PHF24: variants seen among roughly 807,000 people sequenced by gnomAD.
PHF24 encodes Galpha inhibitory interacting protein.
A neutral mutation model predicts 42.6 loss-of-function variants in PHF24; 25 were observed. The observed-to-expected ratio is 0.59, with a 90% CI of 0.43 to 0.82. The LOEUF (loss-of-function observed/expected upper bound fraction) is 0.82, where lower values mean the gene tolerates loss of function less well. Ranked by LOEUF, PHF24 falls within the 40% of genes least tolerant of loss-of-function variation. The probability of loss-of-function intolerance (pLI) is 0.00; values close to 1 mark genes in which losing one functional copy is unlikely to be tolerated. For missense variants in PHF24, 470 were observed against 538.1 expected, an observed-to-expected ratio of 0.87 and a Z score of 1.25; for synonymous variants, 185 against 204.8, an observed-to-expected ratio of 0.90 and a Z score of 0.83.
chr9:34,673,217 G>C, the PHF24 span, among the ~76,000 whole-genome samples: 1 of 152,064 alleles, frequency 6.6e-6, no homozygotes, highest in African/African-American at 2.4e-5. Flanking sequence ...TTAGCCAGTC[G>C]TGGTGGCATG....
the PHF24 span, among the ~76,000 whole-genome samples, chr9:34,903,624 G>C: frequency 6.6e-6 from 1 of 152,202 alleles, no homozygotes; most frequent in African/African-American, 2.4e-5. Context: ...AAAGAGCAAG[G>C]CTGGATCCAA....
the PHF24 span, among the ~76,000 whole-genome samples, chr9:34,836,712 A>T: frequency 6.6e-6 from 1 of 152,212 alleles, no homozygotes; most frequent in South Asian, 2.1e-4. Context: ...CCATGTAAGG[A>T]TGTAGCTGTA....
At chr9:34,682,121 C>T in the PHF24 span, among the ~76,000 whole-genome samples, 1 of 151,668 alleles carries the variant, frequency 6.6e-6, no homozygotes, top group African/African-American at 2.4e-5. Flanking sequence ...ACTACAGGCA[C>T]CTGCCACCAC....
the PHF24 span, among the ~76,000 whole-genome samples, chr9:34,861,691 A>G: frequency 2.0e-5 from 3 of 152,246 alleles, no homozygotes; most frequent in Non-Finnish European, 2.9e-5. Context: ...CACGTATGGG[A>G]GAAGGTAAAG....
At chr9:34,833,176 G>A in the PHF24 span, 182 of 1,544,428 alleles carry the variant, frequency 1.2e-4, 3 homozygotes, top group South Asian at 9.8e-4. Context: ...CTGCTAGCAT[G>A]GGGACATGGG....
At position 34,971,631 on chromosome 9, in the gene PHF24, G is replaced by A. The variant is rs773094080; in HGVS notation, c.333G>A (p.Leu111=). The A allele has an allele frequency of 8.1e-6, 13 of 1,613,760 alleles. No individual in the cohort carries two copies. In the East Asian group the frequency reaches 2.9e-4, roughly 36 times the overall value. The change falls in exon 2 of 8, where the codon CTG becomes CTA. Residue 111 remains leucine, a synonymous_variant. Coordinates refer to ENST00000242315, the Ensembl canonical transcript of PHF24. ...CGTTCATCCGCCCCACCCGGAAGCT[G>A]GATGATGACAAACCTCCAGAAATCT...
the PHF24 span, chr9:34,833,477 T>A: frequency 6.4e-7 from 1 of 1,550,406 alleles, no homozygotes; most frequent in Non-Finnish European, 8.7e-7. Context: ...GGGCAGTTCC[T>A]GGAGCAATGT....
At chr9:34,774,755 A>G in the PHF24 span, among the ~76,000 whole-genome samples, 1 of 152,188 alleles carries the variant, frequency 6.6e-6, no homozygotes, top group African/African-American at 2.4e-5. Flanking sequence ...CCTAGGCGAC[A>G]AGAGTGAGAC....
At chr9:34,723,166 T>C in the PHF24 span, 3 of 1,485,852 alleles carry the variant, frequency 2.0e-6, no homozygotes, top group Admixed American at 4.9e-5. Flanking sequence ...CTATAAACTC[T>C]TTTTCATGGC....
chr9:34,915,874 G>T, the PHF24 span, among the ~76,000 whole-genome samples: 1 of 148,916 alleles, frequency 6.7e-6, no homozygotes, highest in Non-Finnish European at 1.5e-5. Context: ...TGTCAAGGGT[G>T]GGACCAGGTG....
the PHF24 span, chr9:34,837,358 A>G: frequency 2.4e-5 from 9 of 381,290 alleles, no homozygotes; most frequent in East Asian, 4.3e-4. Flanking sequence ...TCAGATGCCC[A>G]TGTTATGGCA....
the PHF24 span, among the ~76,000 whole-genome samples, chr9:34,734,911 C>T: frequency 7.2e-5 from 11 of 152,190 alleles, no homozygotes; most frequent in East Asian, 2.1e-3. Flanking sequence ...GGCAAACCAG[C>T]CTCAACCATA....
chr9:34,707,159 G>C, the PHF24 span, among the ~76,000 whole-genome samples: 1 of 152,174 alleles, frequency 6.6e-6, no homozygotes, highest in Non-Finnish European at 1.5e-5. Context: ...CTGTTGAGTA[G>C]ATGGCTTCGG....
chr9:34,789,709 CA>C, the PHF24 span, among the ~76,000 whole-genome samples: 1 of 152,106 alleles, frequency 6.6e-6, no homozygotes, highest in Non-Finnish European at 1.5e-5. Flanking sequence ...ATGGAACTGT[CA>C]AACTAAATAA....
At chr9:34,904,972 T>C in the PHF24 span, among the ~76,000 whole-genome samples, 1 of 151,798 alleles carries the variant, frequency 6.6e-6, no homozygotes, top group South Asian at 2.1e-4. Flanking sequence ...GCAATGTAAA[T>C]AGACCTAGAA....
chr9:34,926,840 A>G, the PHF24 span, among the ~76,000 whole-genome samples: 1 of 151,884 alleles, frequency 6.6e-6, no homozygotes, highest in Admixed American at 6.6e-5. This position sits in a 1 kb window ranked among gnomAD's most constrained non-coding sequence, Gnocchi z 4.3. Context: ...CATGTTCACT[A>G]GTGGTGGCCC....
At chr9:34,886,961 C>A in the PHF24 span, among the ~76,000 whole-genome samples, 1 of 152,112 alleles carries the variant, frequency 6.6e-6, no homozygotes, top group Non-Finnish European at 1.5e-5. Flanking sequence ...GCAACATATA[C>A]ATCTCAAACA....
the PHF24 span, among the ~76,000 whole-genome samples, chr9:34,800,301 C>T: frequency 3.9e-5 from 6 of 152,198 alleles, no homozygotes; most frequent in Non-Finnish European, 7.4e-5. Flanking sequence ...AGATGAGAAA[C>T]ATTTAGAATG....
upstream of PHF24, among the ~76,000 whole-genome samples, chr9:34,953,218 A>G (rs962720604): frequency 1.1e-4 from 17 of 152,356 alleles, no homozygotes; most frequent in Admixed American, 3.3e-4. The surrounding 1 kb of genome is among the most constrained non-coding windows in gnomAD (Gnocchi z 4.1). Context: ...TGTAAAACAC[A>G]TAGTTCACTG....
Sources: allele counts gnomAD v4.1 joint callset (sites outside exome capture counted in the v4.1 genomes callset), GRCh38; gene constraint gnomAD v4.1.1; non-coding constraint Gnocchi (gnomAD v3.1); transcripts MANE v1.5; gene names NCBI Gene and HGNC (gene_info 2026-07-23, HGNC 2026-07-21).